Variants in IRAG2 observed in about 807,000 individuals in gnomAD.
The protein encoded by IRAG2 is lymphoid restricted membrane protein.
IRAG2 carries 45 observed loss-of-function variants against 69.9 expected under a neutral mutation model. The observed-to-expected ratio is 0.64, with a 90% CI of 0.51 to 0.83. The LOEUF (loss-of-function observed/expected upper bound fraction) is 0.83, where lower values mean the gene tolerates loss of function less well. Ranked by LOEUF, IRAG2 falls within the 40% of genes least tolerant of loss-of-function variation. The probability of loss-of-function intolerance (pLI) is 0.00; values close to 1 mark genes in which losing one functional copy is unlikely to be tolerated. For synonymous variants in IRAG2, 193 were observed against 202.4 expected (o/e 0.95, Z 0.40); for missense variants, 520 against 587.0 (o/e 0.89, Z 1.18).
chr12:25,096,323 G>C (rs1319236799), intron 14 of IRAG2, among the ~76,000 whole-genome samples: 1 of 152,104 alleles, frequency 6.6e-6, no homozygotes, highest in African/African-American at 2.4e-5. Flanking sequence ...CAATCACACA[G>C]GTAATGAGCA....
chr12:25,041,975 GTGTGTGTGTGTGTGTGTA>G (rs1391722407), intron 16 of IRAG2, among the ~76,000 whole-genome samples: 1 of 151,240 alleles, frequency 6.6e-6, no homozygotes, highest in Non-Finnish European at 1.5e-5. Context: ...GTGTGTGTGT[GTGTGTGTGTGTGTGTGTA>G]TGTGTATGTG....
Position 25,066,484 on chromosome 12 carries a change from G to C in IRAG2, c.-87G>C. On this transcript the variant is annotated 5_prime_UTR_variant, in exon 5 of 22. It removes an upstream start codon present in the reference 5' UTR. Transcript: ENST00000556887. ...GCCCACATATGGAGAAGTAAAGGATGGTGCTTTGGATGTAAAAAGACAACA... is the reference window on the plus strand; with the variant it reads ...GCCCACATATGGAGAAGTAAAGGATCGTGCTTTGGATGTAAAAAGACAACA... 5.0e-6 allele frequency: 2 copies of C among 401,224 alleles called. No individual in the cohort carries two copies. The highest frequency in any genetic ancestry group is 8.8e-6 in the Non-Finnish European group (2 of 226,230). 24.9% of individuals were successfully genotyped at this position (401,224 alleles called of 1,614,324 possible).
chr12:25,068,479 T>C (rs1263747211), intron 5 of IRAG2, among the ~76,000 whole-genome samples: 3 of 152,130 alleles, frequency 2.0e-5, no homozygotes, highest in African/African-American at 7.2e-5. Flanking sequence ...CTAGGCACGA[T>C]TGATTAAATC....
chr12:25,003,710 T>G (rs1944409886), upstream of IRAG2, among the ~76,000 whole-genome samples: 1 of 152,196 alleles, frequency 6.6e-6, no homozygotes, highest in South Asian at 2.1e-4. Context: ...GCCTCTTTGA[T>G]TCTTAGTTTC....
At chr12:25,012,437 G>A (rs561264740) in intron 3 of IRAG2, among the ~76,000 whole-genome samples, 2 of 151,930 alleles carry the variant, frequency 1.3e-5, no homozygotes, top group African/African-American at 2.4e-5. Flanking sequence ...TTACAGGTGT[G>A]AGCCACCCAC....
chr12:25,005,014 T>C, intron 1 of IRAG2: 1 of 766,840 alleles, frequency 1.3e-6, no homozygotes, highest in Middle Eastern at 4.3e-4. Flanking sequence ...TTATTAAAGT[T>C]TGGATGGAAT....
chr12:25,105,590 T>C (rs540320189), intron 20 of IRAG2, among the ~76,000 whole-genome samples: 1 of 152,228 alleles, frequency 6.6e-6, no homozygotes, highest in African/African-American at 2.4e-5. Context: ...CTGCATGTGT[T>C]ACAAACTCTT....
upstream of IRAG2, among the ~76,000 whole-genome samples, chr12:25,048,460 C>G (rs1346439252): frequency 6.6e-6 from 1 of 152,036 alleles, no homozygotes; most frequent in Non-Finnish European, 1.5e-5. Flanking sequence ...CCACACCCAG[C>G]TAATTTTTGT....
intron 5 of IRAG2, 118 bp from the exon 6 acceptor site, chr12:25,069,232 A>G: frequency 1.9e-6 from 1 of 521,042 alleles, no homozygotes; most frequent in East Asian, 3.0e-5. Flanking sequence ...GAACTTAATT[A>G]GAAATTTGAT....
chr12:25,050,188 G>C (rs1470578720), upstream of IRAG2, among the ~76,000 whole-genome samples: 5 of 151,500 alleles, frequency 3.3e-5, no homozygotes, highest in African/African-American at 1.2e-4. Flanking sequence ...AGATATTGGA[G>C]TCCTAGTGCA....
intron 2 of IRAG2, among the ~76,000 whole-genome samples, chr12:25,008,217 C>T (rs1379081535): frequency 1.3e-5 from 2 of 152,116 alleles, no homozygotes; most frequent in Non-Finnish European, 2.9e-5. Context: ...AACTCTATTC[C>T]GCGTTATGAA....
At chr12:25,018,460 C>A (rs1944550748) in intron 6 of IRAG2, among the ~76,000 whole-genome samples, 1 of 152,018 alleles carries the variant, frequency 6.6e-6, no homozygotes, top group Non-Finnish European at 1.5e-5. Context: ...CTCACCTCAT[C>A]CTCCCAAAGT....
At chr12:25,053,097 T>A (rs547598485) in intron 1 of IRAG2, 141 bp downstream of exon 1, 1 of 395,450 alleles carries the variant, frequency 2.5e-6, no homozygotes, top group African/African-American at 2.1e-5. Context: ...GGCAATATTG[T>A]GGGGCTTTCA....
rs1944698411 is a variant in IRAG2 at position 25,035,848 on chromosome 12, C to T, written c.1878+61C>T. The T allele has an allele frequency of 1.3e-5, 5 of 398,440 alleles. No homozygotes were observed. In the Admixed American group the frequency reaches 2.2e-4, roughly 18 times the overall value. 24.7% of individuals were successfully genotyped at this position (398,440 alleles called of 1,614,324 possible). On this transcript the variant is annotated intron_variant, in intron 14 of 38. Transcript: ENST00000636465. ...TTTGGCTGGCAATATCTGCAGATAA[C>T]TGACCTGCAACCTGTTTGCTGAGTC...
intron 16 of IRAG2, among the ~76,000 whole-genome samples, chr12:25,041,355 TTTTG>T (rs1363635177): frequency 1.3e-5 from 2 of 152,208 alleles, no homozygotes; most frequent in African/African-American, 4.8e-5. Context: ...TGTGTTTTGT[TTTTG>T]TTTGTTTTTA....
chr12:25,067,640 C>A (rs965644111), intron 5 of IRAG2, among the ~76,000 whole-genome samples: 1 of 152,092 alleles, frequency 6.6e-6, no homozygotes, highest in Non-Finnish European at 1.5e-5. Context: ...CCACTTACTA[C>A]AAAGTTTATT....
intron 8 of IRAG2, among the ~76,000 whole-genome samples, chr12:25,026,511 G>C (rs1364467990): frequency 3.3e-5 from 5 of 152,166 alleles, no homozygotes; most frequent in Non-Finnish European, 5.9e-5. Context: ...CGGGTTCCAG[G>C]GGGGATTGAA....
chr12:25,108,106 A>G lies in IRAG2; in HGVS notation c.*46A>G, dbSNP rs372503452. On this transcript the variant is annotated 3_prime_UTR_variant, in exon 22 of 22. Transcript: ENST00000556887. ...TGGATCTTGATTTTTAAGTTTCAGTATCTGAACTTCGTAAATTAGTAACTT... is the reference window on the plus strand; with the variant it reads ...TGGATCTTGATTTTTAAGTTTCAGTGTCTGAACTTCGTAAATTAGTAACTT... 13 of 1,588,510 alleles carry G rather than the reference A, an allele frequency of 8.2e-6. No individual in the cohort carries two copies. In the African/African-American group the frequency reaches 1.8e-4, roughly 21 times the overall value.
intron 9 of IRAG2, among the ~76,000 whole-genome samples, chr12:25,080,626 A>T (rs1030719640): frequency 1.1e-4 from 17 of 152,276 alleles, no homozygotes; most frequent in African/African-American, 3.6e-4. Context: ...TGTTGGGATT[A>T]CAGGTGTGAG....
Sources: gnomAD v4.1 joint callset for allele counts (sites outside exome capture counted in the v4.1 genomes callset) on GRCh38, gnomAD v4.1.1 for gene constraint, MANE v1.5 for transcripts, NCBI Gene and HGNC (gene_info 2026-07-23, HGNC 2026-07-21) for gene names.